Variants in FBN2 observed in about 807,000 individuals in gnomAD.
FBN2 encodes the protein fibrillin-2.
Under a neutral mutation model 355.6 loss-of-function variants are expected in FBN2, and 105 were observed. That is an observed-to-expected ratio of 0.30 (90% CI 0.25 to 0.35). The LOEUF is 0.35. Among genes scored for constraint, FBN2 ranks in the 10% least tolerant of loss-of-function variants. The pLI, the probability that FBN2 is intolerant of heterozygous loss-of-function variation, is 1.00. For synonymous variants in FBN2, 1,350 were observed against 1,301.2 expected (o/e 1.04, Z -0.81); for missense variants, 3,280 against 3,758.7 (o/e 0.87, Z 3.33).
chr5:128,366,063 ATTC>A (rs1751757487), intron 17 of FBN2, among the ~76,000 whole-genome samples: 1 of 151,960 alleles, frequency 6.6e-6, no homozygotes, highest in African/African-American at 2.4e-5. Context: ...AAATTGACTT[ATTC>A]TTCTTTTTTT....
rs1765384744 is a variant in FBN2, at chr5:128,275,948, G to A, written c.7594+90C>T. On this transcript the variant is annotated intron_variant, in intron 59 of 64. Transcript: ENST00000262464. ...GATGGGACCTTTTAATGAAGGTGAT[G>A]CACATGGCATAATTCCTGATAATCT... 4.6e-5 allele frequency: 66 copies of A among 1,420,230 alleles called. No homozygotes were observed. The South Asian group carries it at 7.4e-4, about 16-fold the overall frequency. 88.0% of individuals were successfully genotyped at this position (1,420,230 alleles called of 1,614,324 possible).
At chr5:128,384,768 G>A (rs1318715311) in intron 11 of FBN2, among the ~76,000 whole-genome samples, 1 of 152,010 alleles carries the variant, frequency 6.6e-6, no homozygotes, top group African/African-American at 2.4e-5. Flanking sequence ...GAAAACCAAG[G>A]CTCTAGATGA....
chr5:128,286,621 A>T, intron 55 of FBN2, 97 bp downstream of exon 55: 2 of 1,414,484 alleles, frequency 1.4e-6, no homozygotes, highest in Non-Finnish European at 2.0e-6. Context: ...AGCTGGAAAA[A>T]GAGTTGGCTT....
intron 36 of FBN2, among the ~76,000 whole-genome samples, chr5:128,317,191 T>C (rs1193273131): frequency 1.3e-5 from 2 of 152,112 alleles, no homozygotes; most frequent in African/African-American, 4.8e-5. Flanking sequence ...ATAGCGCTTC[T>C]CCTCCAACCA....
chr5:128,349,908 T>A, intron 22 of FBN2, 47 bp downstream of exon 22: 2 of 1,417,442 alleles, frequency 1.4e-6, no homozygotes, highest in Non-Finnish European at 2.0e-6. Flanking sequence ...TAATTTTACT[T>A]ACTGCTCAAA....
chr5:128,318,878 C>T lies in FBN2; in HGVS notation c.4594+1G>A. 6.2e-7 allele frequency: 1 copy of T among 1,613,172 alleles called. No homozygotes were observed. Among genetic ancestry groups the T allele is most frequent in the Non-Finnish European group, 8.5e-7 (1 of 1,179,354 alleles). On this transcript the variant is annotated splice_donor_variant, in intron 35 of 64. Transcript: ENST00000262464. LOFTEE classifies it high-confidence loss of function. ...ACAACTTAGCTGGTAACTGACCATA[C>T]CTGTACAGTTCCCTCCTGTTCTGTC...
intron 34 of FBN2, among the ~76,000 whole-genome samples, chr5:128,324,686 C>A (rs533063001): frequency 6.7e-6 from 1 of 150,208 alleles, no homozygotes; most frequent in Middle Eastern, 3.2e-3. Flanking sequence ...GGCGTGATCT[C>A]GGCTCACTGC....
chr5:128,355,116 T>C (rs1289006390), intron 20 of FBN2, among the ~76,000 whole-genome samples: 4 of 152,168 alleles, frequency 2.6e-5, no homozygotes, highest in African/African-American at 7.2e-5. Flanking sequence ...AAGATAGTTG[T>C]GCCTGGAAAG....
intron 55 of FBN2, among the ~76,000 whole-genome samples, chr5:128,284,131 A>G (rs1025558790): frequency 6.6e-5 from 10 of 152,212 alleles, no homozygotes; most frequent in African/African-American, 2.4e-4. Flanking sequence ...AAAAATGTGT[A>G]AAATAGGAAA....
chr5:128,354,258 T>C (rs1376495206), intron 20 of FBN2, among the ~76,000 whole-genome samples: 1 of 152,086 alleles, frequency 6.6e-6, no homozygotes, highest in Admixed American at 6.6e-5. Flanking sequence ...TCCTGCCAGA[T>C]AGATCAGTGG....
intron 5 of FBN2, among the ~76,000 whole-genome samples, chr5:128,506,554 A>G (rs1356448540): frequency 4.6e-5 from 7 of 152,236 alleles, no homozygotes; most frequent in African/African-American, 9.6e-5. Context: ...AGATTTTTGT[A>G]AAGTCCATCG....
At chr5:128,264,467 T>C (rs1765066433) in intron 62 of FBN2, among the ~76,000 whole-genome samples, 1 of 152,230 alleles carries the variant, frequency 6.6e-6, no homozygotes, top group African/African-American at 2.4e-5. Context: ...ATACTATAAA[T>C]ACCTGGTAGC....
intron 46 of FBN2, 60 bp downstream of exon 46, chr5:128,302,912 TA>T (rs2126835844): frequency 1.0e-6 from 1 of 994,064 alleles, no homozygotes; most frequent in East Asian, 2.4e-5. Flanking sequence ...TTTTGTTTTT[TA>T]TTTCAGCACA....
At chr5:128,442,429 T>C in intron 7 of FBN2, 1 of 452,756 alleles carries the variant, frequency 2.2e-6, no homozygotes, top group South Asian at 1.6e-5. Flanking sequence ...AGCTGTCTTT[T>C]AGTGTACCAT....
At chr5:128,512,512 CAAAAAAAAAA>C (rs1158661549) in intron 5 of FBN2, among the ~76,000 whole-genome samples, 1 of 60,682 alleles carries the variant, frequency 1.6e-5, no homozygotes, top group Non-Finnish European at 3.1e-5. Flanking sequence ...GAACCCGTCT[CAAAAAAAAAA>C]AAAAAAAAAA....
rs1223424841 is a variant in FBN2 at position 128,361,862 on chromosome 5, T to C, written c.2429-14A>G. On this transcript the variant is annotated splice_polypyrimidine_tract_variant and intron_variant, in intron 18 of 64. Transcript: ENST00000262464. ...ATTCATCAATGTCTGAAAGCAACGATTGAAAGATAGGAGATACACATATTT... is the reference window on the plus strand; with the variant it reads ...ATTCATCAATGTCTGAAAGCAACGACTGAAAGATAGGAGATACACATATTT... 6.2e-7 allele frequency: 1 copy of C among 1,613,522 alleles called. No individual in the cohort carries two copies. The highest frequency in any genetic ancestry group is 8.5e-7 in the Non-Finnish European group (1 of 1,179,444).
At chr5:128,346,932 T>C (rs931269653) in intron 23 of FBN2, among the ~76,000 whole-genome samples, 2 of 152,234 alleles carry the variant, frequency 1.3e-5, no homozygotes, top group African/African-American at 4.8e-5. Flanking sequence ...TTCTGTCTTA[T>C]ATATCTACAT....
intron 7 of FBN2, among the ~76,000 whole-genome samples, chr5:128,430,243 A>AT (rs998734928): frequency 2.0e-5 from 3 of 148,262 alleles, no homozygotes; most frequent in African/African-American, 5.0e-5. Context: ...TTCATTTTTC[A>AT]TTTTTTTTAA....
At chr5:128,516,214 C>A (rs1756277027) in intron 5 of FBN2, among the ~76,000 whole-genome samples, 1 of 152,130 alleles carries the variant, frequency 6.6e-6, no homozygotes, top group African/African-American at 2.4e-5. Context: ...AATGCTGACT[C>A]CATTTCTGTT....
Sources: gnomAD v4.1 joint callset for allele counts (sites outside exome capture counted in the v4.1 genomes callset) on GRCh38, gnomAD v4.1.1 for gene constraint, MANE v1.5 for transcripts, NCBI Gene and HGNC (gene_info 2026-07-23, HGNC 2026-07-21) for gene names.